PAWR: variants seen among roughly 807,000 people sequenced by gnomAD.
PAWR encodes pro-apoptotic WT1 regulator.
Under a neutral mutation model 32.0 loss-of-function variants are expected in PAWR, and 23 were observed. That is an observed-to-expected ratio of 0.72 (90% CI 0.52 to 1.02). PAWR has a LOEUF of 1.02. PAWR is among the 50% of genes least tolerant of loss of function. PAWR has a pLI of 0.00. For synonymous variants in PAWR, 226 were observed against 187.1 expected (o/e 1.21, Z -1.70); for missense variants, 457 against 437.7 (o/e 1.04, Z -0.39).
intron 2 of PAWR, among the ~76,000 whole-genome samples, chr12:79,652,990 AT>A (rs1876919339): frequency 6.6e-6 from 1 of 152,122 alleles, no homozygotes; most frequent in African/African-American, 2.4e-5. Context: ...AGTTAAAAAA[AT>A]AAATTAATAT....
At chr12:79,637,331 CCA>C (rs1876008559) in intron 2 of PAWR, among the ~76,000 whole-genome samples, 1 of 152,058 alleles carries the variant, frequency 6.6e-6, no homozygotes, top group African/African-American at 2.4e-5. Flanking sequence ...TTCAGGGAGA[CCA>C]TGTCAATCCT....
At chr12:79,626,551 C>T (rs1875333474) in intron 2 of PAWR, among the ~76,000 whole-genome samples, 2 of 151,480 alleles carry the variant, frequency 1.3e-5, no homozygotes, top group Admixed American at 1.3e-4. Context: ...GAGCCACACG[C>T]CCCGCCGAAA....
intron 2 of PAWR, among the ~76,000 whole-genome samples, chr12:79,645,864 G>A (rs1876551155): frequency 6.6e-6 from 1 of 152,202 alleles, no homozygotes; most frequent in South Asian, 2.1e-4. Flanking sequence ...ATTCAAAGAA[G>A]CAACAGCTTT....
intron 2 of PAWR, among the ~76,000 whole-genome samples, chr12:79,636,519 A>G (rs1875968985): frequency 6.6e-6 from 1 of 152,142 alleles, no homozygotes; most frequent in Non-Finnish European, 1.5e-5. Flanking sequence ...AACATAAAAC[A>G]TAAGAACTGT....
intron 2 of PAWR, among the ~76,000 whole-genome samples, chr12:79,653,233 A>C (rs1370242371): frequency 1.3e-5 from 2 of 152,022 alleles, no homozygotes; most frequent in Non-Finnish European, 2.9e-5. Context: ...ACAGGGTTTC[A>C]CCATGTTGGC....
At chr12:79,610,086 C>T (rs78654289) in intron 4 of PAWR, among the ~76,000 whole-genome samples, 197 of 152,240 alleles carry the variant, frequency 1.3e-3, no homozygotes, top group African/African-American at 4.5e-3. Context: ...GCCCCTGCCA[C>T]ACCAAAGTGC....
chr12:79,625,736 C>T lies in PAWR; in HGVS notation c.517-4529G>A, dbSNP rs952646516. 4.0e-5 allele frequency among the ~76,000 whole-genome samples: 6 copies of T among 149,576 alleles called. No individual in the cohort carries two copies. The East Asian group carries it at 6.1e-4, about 15-fold the overall frequency. On this transcript the variant is annotated intron_variant, in intron 2 of 6. Coordinates refer to ENST00000328827, the MANE Select transcript of PAWR (RefSeq NM_002583.4). ...TCGGGAGGCTAAGGCAGGAGAATGT[C>T]GCGAACGCGGGAGGCAGAGCTTGCA...
intron 2 of PAWR, among the ~76,000 whole-genome samples, chr12:79,629,333 A>T (rs1030280175): frequency 6.6e-6 from 1 of 152,172 alleles, no homozygotes; most frequent in African/African-American, 2.4e-5. Flanking sequence ...ATCTAATGTA[A>T]GCTGAAACAG....
At chr12:79,616,804 TGA>T (rs1381771372) in intron 3 of PAWR, among the ~76,000 whole-genome samples, 3 of 152,154 alleles carry the variant, frequency 2.0e-5, no homozygotes, top group African/African-American at 7.2e-5. Flanking sequence ...TTGATACAGT[TGA>T]TAAAATTAGA....
At chr12:79,624,088 G>A (rs1446106315) in intron 2 of PAWR, among the ~76,000 whole-genome samples, 1 of 152,072 alleles carries the variant, frequency 6.6e-6, no homozygotes, top group African/African-American at 2.4e-5. Context: ...CCAGCATATG[G>A]ACTCAAAAAT....
intron 2 of PAWR, among the ~76,000 whole-genome samples, chr12:79,640,910 T>TGG: frequency 6.6e-6 from 1 of 152,192 alleles, no homozygotes; most frequent in African/African-American, 2.4e-5. Context: ...TTGTGAGTTA[T>TGG]GTGTCTGTGT....
At chr12:79,672,235 G>C (rs1877938887) in intron 2 of PAWR, among the ~76,000 whole-genome samples, 1 of 152,022 alleles carries the variant, frequency 6.6e-6, no homozygotes, top group African/African-American at 2.4e-5. Flanking sequence ...ACAAAAATTA[G>C]ATCAAGTACT....
chr12:79,684,609 C>T (rs1743913083), intron 2 of PAWR, among the ~76,000 whole-genome samples: 1 of 151,112 alleles, frequency 6.6e-6, no homozygotes, highest in Non-Finnish European at 1.5e-5. Flanking sequence ...CAGAGCAAGA[C>T]TCCACCTCAA....
Position 79,596,519 on chromosome 12 carries a change from G to T in PAWR, c.823C>A (p.Leu275Ile). The change falls in exon 5 of 7, where the codon CTT (leucine) becomes ATT (isoleucine). Residue 275 changes from leucine to isoleucine, a missense_variant. Coordinates refer to ENST00000328827, the MANE Select transcript of PAWR (RefSeq NM_002583.4). Reference protein sequence around the residue: ...SSTLEKKIEDLEKEVVRERQE... With the variant: ...SSTLEKKIEDIEKEVVRERQE... ...TAACTTATAATCCATACCTTTTCAA[G>T]ATCTTCAATTTTCTTTTCCAGTGTG... 1 of 1,540,068 alleles carries T rather than the reference G, an allele frequency of 6.5e-7. No homozygotes were observed. The highest frequency in any genetic ancestry group is 8.9e-7 in the Non-Finnish European group (1 of 1,126,808).
At chr12:79,652,259 T>C (rs998754408) in intron 2 of PAWR, among the ~76,000 whole-genome samples, 11 of 152,206 alleles carry the variant, frequency 7.2e-5, no homozygotes, top group East Asian at 1.9e-4. Flanking sequence ...TATATACGTA[T>C]ATGTTACCAC....
chr12:79,634,538 GCAGTCAGAA>G (rs1875868939), intron 2 of PAWR, among the ~76,000 whole-genome samples: 1 of 152,164 alleles, frequency 6.6e-6, no homozygotes, highest in South Asian at 2.1e-4. Flanking sequence ...GTTGAATAGT[GCAGTCAGAA>G]CTCCAACCTA....
At chr12:79,629,467 G>A (rs1875500687) in intron 2 of PAWR, among the ~76,000 whole-genome samples, 1 of 151,864 alleles carries the variant, frequency 6.6e-6, no homozygotes, top group Admixed American at 6.6e-5. Flanking sequence ...CCAAATAAAG[G>A]AGCTTCAGAT....
intron 2 of PAWR, among the ~76,000 whole-genome samples, chr12:79,639,916 T>TTCC (rs1566014467): frequency 2.5e-5 from 3 of 122,240 alleles, no homozygotes; most frequent in African/African-American, 1.9e-4. Flanking sequence ...CATTCCATTC[T>TTCC]ATTCTAGAGA....
intron 2 of PAWR, chr12:79,632,308 C>CATATATATATATATATAT (rs1566010872): frequency 7.9e-5 from 2 of 25,164 alleles, no homozygotes; most frequent in Non-Finnish European, 1.2e-4. Context: ...TATATATATA[C>CATATATATATATATATAT]ATACATATAT....
Sources: allele counts gnomAD v4.1 joint callset (sites outside exome capture counted in the v4.1 genomes callset), GRCh38; gene constraint gnomAD v4.1.1; transcripts MANE v1.5; gene names NCBI Gene and HGNC (gene_info 2026-07-23, HGNC 2026-07-21).